DST: variants seen among roughly 807,000 people sequenced by gnomAD.
DST encodes the protein bullous pemphigoid antigen.
DST carries 253 observed loss-of-function variants against 875.2 expected under a neutral mutation model. The observed-to-expected ratio is 0.29, with a 90% confidence interval of 0.26 to 0.32. The LOEUF (loss-of-function observed/expected upper bound fraction) is 0.32, where lower values mean the gene tolerates loss of function less well. DST is among the 10% of genes least tolerant of loss of function. The pLI is 1.00. For synonymous variants in DST, 3,124 were observed against 3,197.1 expected (o/e 0.98, Z 0.77); for missense variants, 8,287 against 9,111.6 (o/e 0.91, Z 3.68).
intron 10 of DST, among the ~76,000 whole-genome samples, chr6:56,662,249 A>G (rs1201775902): frequency 6.6e-6 from 1 of 152,192 alleles, no homozygotes; most frequent in Non-Finnish European, 1.5e-5. Context: ...GTACGTCTCA[A>G]AATTTTAAAT....
chr6:56,602,873 G>T lies in DST; in HGVS notation c.11307+9C>A. The T allele has an allele frequency of 6.7e-7, 1 of 1,495,058 alleles. No homozygotes were observed. The highest frequency in any genetic ancestry group is 1.4e-5 in the South Asian group (1 of 70,244). 92.6% of individuals were successfully genotyped at this position (1,495,058 alleles called of 1,614,324 possible). On this transcript the variant is annotated intron_variant, in intron 43 of 103. Transcript: ENST00000680361. ...AAATATATTTTGTCATCTTTGTTTT[G>T]ATACTTGCCTTGAGAAACTCCAAAC...
intron 3 of DST, among the ~76,000 whole-genome samples, chr6:56,874,116 TAAAA>T (rs1339651729): frequency 3.9e-5 from 6 of 152,066 alleles, no homozygotes; most frequent in Non-Finnish European, 7.4e-5. Flanking sequence ...CCCTGTCTCT[TAAAA>T]AACACAAAAC....
intron 4 of DST, among the ~76,000 whole-genome samples, chr6:56,834,066 T>TA (rs758095785): frequency 6.5e-4 from 99 of 152,138 alleles, no homozygotes; most frequent in Non-Finnish European, 1.0e-3. Context: ...TGTCTCTATA[T>TA]AACATAAAAA....
rs770713340 is a variant in DST at position 56,630,294 on chromosome 6, GCTT to G, written c.4229_4231del (p.Glu1410del). ...AATATTATTCTTGTCAGCTATAACT[GCTT>G]CTTCTTCACACAGTTTAGTTTCATA... On this transcript the variant is annotated inframe_deletion, in exon 31 of 104. Transcript: ENST00000680361. The G allele has an allele frequency of 4.0e-5, 64 of 1,608,344 alleles. 1 individual carries two copies. The highest frequency in any genetic ancestry group is 3.9e-4 in the Middle Eastern group (2 of 5,154).
At position 56,681,702 on chromosome 6, in the gene DST, G is replaced by A. The variant is rs181990008; in HGVS notation, c.1048-10895C>T. On this transcript the variant is annotated intron_variant, in intron 9 of 103. Coordinates refer to ENST00000680361, the MANE Select transcript of DST (RefSeq NM_001374736.1). ...ATTTGCCTTAGTGTTATAATGCCTA[G>A]CTAGGGCAGTGCTTGGCACATTACA... is the stretch of plus-strand genomic sequence containing the variant. Among the ~76,000 whole-genome samples the A allele has an allele frequency of 6.4e-4, 98 of 152,342 alleles. No individual in the cohort carries two copies. The East Asian group carries it at 0.016, about 25-fold the overall frequency.
intron 5 of DST, among the ~76,000 whole-genome samples, chr6:56,726,982 C>T (rs560124582): frequency 2.6e-5 from 4 of 152,144 alleles, no homozygotes; most frequent in Non-Finnish European, 4.4e-5. Context: ...CTTTAATCCT[C>T]CTACTACAGA....
intron 92 of DST, among the ~76,000 whole-genome samples, chr6:56,475,229 G>C (rs1001531046): frequency 1.3e-5 from 2 of 152,118 alleles, no homozygotes; most frequent in Non-Finnish European, 2.9e-5. Flanking sequence ...GGCAGAGACT[G>C]TGAAAAGTGA....
rs184507507 is a variant in DST at position 56,471,034 on chromosome 6, A to G, written c.22321+72T>C. On this transcript the variant is annotated intron_variant, in intron 95 of 103. Coordinates refer to ENST00000680361, the MANE Select transcript of DST (RefSeq NM_001374736.1). ...CTTTATTGTAACACAAGTTTACCAG[A>G]CCCACACTTTTAAAATGTGCTTATT... 86 of 1,436,580 alleles carry G rather than the reference A, an allele frequency of 6.0e-5. No individual in the cohort carries two copies. In the East Asian group the frequency reaches 1.8e-3, roughly 30 times the overall value. The allele number at this position is 1,436,580 out of a possible 1,614,324, so 89.0% of individuals were successfully genotyped here.
chr6:56,763,456 G>A (rs1253761459), intron 4 of DST, among the ~76,000 whole-genome samples: 1 of 151,976 alleles, frequency 6.6e-6, no homozygotes, highest in Non-Finnish European at 1.5e-5. Context: ...AGGATCACCT[G>A]AGGTCAGGAG....
At chr6:56,942,706 C>CT (rs67354752) in intron 2 of DST, among the ~76,000 whole-genome samples, 730 of 65,984 alleles carry the variant, frequency 0.011, 15 homozygotes, top group East Asian at 0.039. Flanking sequence ...TGCCATTTCT[C>CT]TTTTTTTTTT....
chr6:56,741,821 C>G (rs755768386), intron 4 of DST, among the ~76,000 whole-genome samples: 23 of 152,242 alleles, frequency 1.5e-4, no homozygotes, highest in Non-Finnish European at 3.1e-4. Context: ...TTATAACATT[C>G]CTCTATTTGA....
intron 4 of DST, among the ~76,000 whole-genome samples, chr6:56,831,614 T>C (rs184125223): frequency 1.3e-5 from 2 of 152,270 alleles, no homozygotes; most frequent in Admixed American, 1.3e-4. Context: ...CACCAAACTC[T>C]GCTCTTTGAG....
rs779915352 is a variant in DST at position 56,482,842 on chromosome 6, A to G, written c.21243T>C (p.Ser7081=). The part of the protein sequence containing the change: ...FQKELGKRTS[S]VQALKRSARE... ...GGGCTGAGCGCTTCAGGGCCTGCAC[A>G]CTGCTGGTCCTCTTCCCCAACTCTT... Residue 7081 remains serine, a synonymous_variant, in exon 89 of 104, where the codon AGT becomes AGC. Transcript: ENST00000680361. 2.5e-6 allele frequency: 4 copies of G among 1,595,032 alleles called. No homozygotes were observed. In the African/African-American group the frequency reaches 4.0e-5, roughly 16 times the overall value.
At chr6:56,476,402 A>C (rs2095190377) in intron 91 of DST, 65 bp from the exon 92 acceptor site, 4 of 1,332,522 alleles carry the variant, frequency 3.0e-6, no homozygotes, top group Non-Finnish European at 3.0e-6. Flanking sequence ...CAGTGATGTA[A>C]AATAAATAAA....
At chr6:56,637,108 CA>C (rs58866854) in intron 22 of DST, among the ~76,000 whole-genome samples, 11,902 of 147,244 alleles carry the variant, frequency 0.081, 659 homozygotes, top group South Asian at 0.16. Context: ...AACAAACAAA[CA>C]AAAAAAAAAC....
rs552384317 is a variant in DST, at chr6:56,672,540, C to T, written c.1048-1733G>A. On this transcript the variant is annotated intron_variant, in intron 9 of 103. Transcript: ENST00000680361. ...CATAAAATTTACCAATATTCTTTGGCCCAAGTTCCAATGATATTCTGGTCC... is the reference window on the plus strand; with the variant it reads ...CATAAAATTTACCAATATTCTTTGGTCCAAGTTCCAATGATATTCTGGTCC... 3.9e-5 allele frequency among the ~76,000 whole-genome samples: 6 copies of T among 152,146 alleles called. No homozygotes were observed. In the East Asian group the frequency reaches 1.2e-3, roughly 29 times the overall value.
At position 56,625,261 on chromosome 6, in the gene DST, A is replaced by T. The variant is rs1357116825; in HGVS notation, c.4726T>A (p.Tyr1576Asn). Residue 1576 changes from tyrosine to asparagine, a missense_variant, in exon 35 of 104, where the codon TAT becomes AAT. Tyr to Asn is a moderately radical substitution (Grantham distance 143). This residue lies in a region of DST where 3,138 missense variants were observed against 3,116.6 expected (regional missense o/e 1.01). Coordinates refer to ENST00000680361, the MANE Select transcript of DST (RefSeq NM_001374736.1). ...CGGTAGGTCATTGTTTGTAATTCAT[A>T]GTCCTGTATAAAGGAGTCAATAAGA... ...AEQYSATVKD[Y>N]ELQTMTYRAM... 1.2e-6 allele frequency: 2 copies of T among 1,604,426 alleles called. No individual in the cohort carries two copies. The highest frequency in any genetic ancestry group is 1.7e-6 in the Non-Finnish European group (2 of 1,171,310).
At chr6:56,842,480 A>G (rs979408706) in intron 4 of DST, among the ~76,000 whole-genome samples, 1 of 152,224 alleles carries the variant, frequency 6.6e-6, no homozygotes, top group Admixed American at 6.5e-5. Flanking sequence ...GGATGGGCAG[A>G]AAAAAATCTC....
chr6:56,511,833 G>C (rs2096483321), intron 72 of DST, among the ~76,000 whole-genome samples: 1 of 149,104 alleles, frequency 6.7e-6, no homozygotes, highest in Non-Finnish European at 1.5e-5. Context: ...GAAAGAAAAA[G>C]AGAGAGAGAG....
Sources: gnomAD v4.1 joint callset for allele counts (sites outside exome capture counted in the v4.1 genomes callset) on GRCh38, gnomAD v4.1.1 for gene constraint, gnomAD v4.1.1 regional missense constraint, MANE v1.5 for transcripts, NCBI Gene and HGNC (gene_info 2026-07-23, HGNC 2026-07-21) for gene names.